The following SYNE1 variants were observed in gnomAD, a reference collection of about 807,000 sequenced individuals.
SYNE1 encodes the protein nesprin-1.
Under a neutral mutation model 1,111.0 loss-of-function variants are expected in SYNE1, and 616 were observed. The ratio of observed to expected loss-of-function variants is 0.55; its 90% confidence interval spans 0.52 to 0.59. The LOEUF (loss-of-function observed/expected upper bound fraction) is 0.59, where lower values mean the gene tolerates loss of function less well. Ranked by LOEUF, SYNE1 falls within the 20% of genes least tolerant of loss-of-function variation. SYNE1 has a pLI of 0.00. For missense variants in SYNE1, 10,006 were observed against 10,417.0 expected, an observed-to-expected ratio of 0.96 and a Z score of 1.72; for synonymous variants, 3,855 against 3,825.8, an observed-to-expected ratio of 1.01 and a Z score of -0.28.
chr6:152,416,258 T>A, intron 41 of SYNE1, 129 bp downstream of exon 41: 1 of 1,304,042 alleles, frequency 7.7e-7, no homozygotes, highest in Non-Finnish European at 1.1e-6. Flanking sequence ...TTCTTTCTTT[T>A]GGCAGAGTGA....
At chr6:152,197,279 A>G (rs9478301) in intron 127 of SYNE1, among the ~76,000 whole-genome samples, 3,153 of 152,292 alleles carry the variant, frequency 0.021, 54 homozygotes, top group African/African-American at 0.034. Flanking sequence ...TCTTATGTAG[A>G]TAGTTGTTAC....
At chr6:152,305,752 T>C (rs2095354733) in intron 91 of SYNE1, among the ~76,000 whole-genome samples, 1 of 152,222 alleles carries the variant, frequency 6.6e-6, no homozygotes, top group African/African-American at 2.4e-5. Flanking sequence ...CACTCAGCAC[T>C]TTCCTTCCTG....
intron 45 of SYNE1, among the ~76,000 whole-genome samples, chr6:152,406,213 A>G (rs1426375332): frequency 6.6e-6 from 1 of 152,082 alleles, no homozygotes; most frequent in African/African-American, 2.4e-5. Context: ...GAAGCCTGTG[A>G]CCCTCCAATC....
At chr6:152,471,876 T>C in intron 15 of SYNE1, 111 bp from the exon 16 acceptor site, 1 of 1,070,878 alleles carries the variant, frequency 9.3e-7, no homozygotes, top group Non-Finnish European at 1.4e-6. Flanking sequence ...CAAGCTCTTC[T>C]AACTCTGGCT....
At chr6:152,577,806 A>G (rs909467475) in intron 3 of SYNE1, among the ~76,000 whole-genome samples, 1 of 151,976 alleles carries the variant, frequency 6.6e-6, no homozygotes, top group Non-Finnish European at 1.5e-5. Flanking sequence ...TAGATTTGTA[A>G]GCAATATGCC....
chr6:152,579,626 G>A (rs1339447471), intron 3 of SYNE1, among the ~76,000 whole-genome samples: 1 of 152,158 alleles, frequency 6.6e-6, no homozygotes, highest in African/African-American at 2.4e-5. Flanking sequence ...CCCAGGTAAT[G>A]AGCGTAGTAC....
At chr6:152,464,089 C>A (rs2098750671) in intron 18 of SYNE1, among the ~76,000 whole-genome samples, 1 of 152,122 alleles carries the variant, frequency 6.6e-6, no homozygotes, top group Admixed American at 6.6e-5. Flanking sequence ...AATTAGCAAT[C>A]ATGGAGATAA....
chr6:152,132,659 A>T (rs958081686), intron 143 of SYNE1, among the ~76,000 whole-genome samples: 1 of 152,166 alleles, frequency 6.6e-6, no homozygotes, highest in Non-Finnish European at 1.5e-5. Flanking sequence ...TATTTCAGAC[A>T]CTGCTGCTAT....
chr6:152,416,433 C>G lies in SYNE1; in HGVS notation c.6004G>C (p.Asp2002His), dbSNP rs1253611384. ...GTAGGTTCTTTCAATCGCTCTTTGT[C>G]AGTCCTTTCTTCAATGTCCTCAATG... ...KSIEDIEERTDKERLKEPTRQ... is the reference protein window; with the variant it reads ...KSIEDIEERTHKERLKEPTRQ... The change falls in exon 41 of 146, where the codon GAC becomes CAC. Residue 2002 changes from aspartate (D) to histidine (H), a missense_variant. Asp to His is a moderately conservative substitution (Grantham distance 81, BLOSUM62 -1). Coordinates refer to ENST00000367255, the MANE Select transcript of SYNE1 (RefSeq NM_182961.4). The G allele has an allele frequency of 6.2e-7, 1 of 1,614,124 alleles. No individual in the cohort carries two copies. Among genetic ancestry groups the G allele is most frequent in the Non-Finnish European group, 8.5e-7 (1 of 1,180,036 alleles).
intron 3 of SYNE1, among the ~76,000 whole-genome samples, chr6:152,565,923 C>T (rs1394238535): frequency 1.3e-5 from 2 of 152,102 alleles, no homozygotes; most frequent in Non-Finnish European, 2.9e-5. Flanking sequence ...ACTCAAGAAA[C>T]ATTTACTGCA....
At chr6:152,629,522 C>CGGGGGGGGGGGGGGGG (rs766614719) in intron 2 of SYNE1, among the ~76,000 whole-genome samples, 1 of 6,138 alleles carries the variant, frequency 1.6e-4, no homozygotes, top group Non-Finnish European at 2.7e-4. Context: ...GTTTCATTGC[C>CGGGGGGGGGGGGGGGG]GGGGGGGGGG....
At position 152,395,526 on chromosome 6, in the gene SYNE1, G is replaced by T; in HGVS notation, c.7702C>A (p.Leu2568Met). 6.2e-7 allele frequency: 1 copy of T among 1,613,830 alleles called. No homozygotes were observed. The highest frequency in any genetic ancestry group is 8.5e-7 in the Non-Finnish European group (1 of 1,179,892). Residue 2568 changes from leucine to methionine, a missense_variant, in exon 51 of 146, where the codon CTG becomes ATG. By Grantham distance (15) the Leu-to-Met change is conservative. This residue lies in a region of SYNE1 where 4,955 missense variants were observed against 5,017.2 expected (regional missense o/e 0.99). Transcript: ENST00000367255. ...ATTTCTGGACCATACCTTGCAGCCA[G>T]CAGTTCTCCCAAAAACATTTCAACT... ...HKVEMFLGELLAARESLDKLS... is the reference protein window; with the variant it reads ...HKVEMFLGELMAARESLDKLS...
intron 3 of SYNE1, among the ~76,000 whole-genome samples, chr6:152,574,889 G>GT (rs1358037414): frequency 6.6e-6 from 1 of 151,868 alleles, no homozygotes; most frequent in Non-Finnish European, 1.5e-5. Context: ...TTTTTGGTTT[G>GT]TTTTTTGTTT....
chr6:152,481,407 T>C, intron 14 of SYNE1: 1 of 284,702 alleles, frequency 3.5e-6, no homozygotes, highest in Non-Finnish European at 7.1e-6. Flanking sequence ...TCATTTAAAA[T>C]TCTAAGTTGA....
intron 55 of SYNE1, 26 bp downstream of exon 55, chr6:152,385,648 G>A (rs2097515326): frequency 6.2e-7 from 1 of 1,612,150 alleles, no homozygotes; most frequent in South Asian, 1.1e-5. Context: ...AAGCAATGTA[G>A]ATATAGCATC....
At position 152,217,256 on chromosome 6, in the gene SYNE1, C is replaced by T. The variant is rs1487829576; in HGVS notation, c.22191+1001G>A. Among the ~76,000 whole-genome samples, 9 of 150,698 alleles carry T rather than the reference C, an allele frequency of 6.0e-5. No individual in the cohort carries two copies. In the East Asian group the frequency reaches 7.9e-4, roughly 13 times the overall value. On this transcript the variant is annotated intron_variant, in intron 121 of 145. Transcript: ENST00000367255. ...AAAAATACAAAAAAAATTAGCCAGG[C>T]GTGGTGGACAGTACCTGCAGTCCTA... is the stretch of plus-strand genomic sequence containing the variant.
chr6:152,189,445 T>C (rs746850863), intron 127 of SYNE1, 38 bp from the exon 128 acceptor site: 3 of 1,605,640 alleles, frequency 1.9e-6, no homozygotes, highest in African/African-American at 1.3e-5. Context: ...CACGGACATC[T>C]CCTGCCAATG....
chr6:152,352,587 A>G (rs537591932), intron 69 of SYNE1, among the ~76,000 whole-genome samples: 2 of 152,124 alleles, frequency 1.3e-5, no homozygotes, highest in East Asian at 3.9e-4. Flanking sequence ...ATTTTTTAGT[A>G]GAGACAGGGT....
chr6:152,399,600 G>C lies in SYNE1; in HGVS notation c.7237+16C>G. 6.2e-7 allele frequency: 1 copy of C among 1,613,710 alleles called. No homozygotes were observed. The highest frequency in any genetic ancestry group is 1.7e-5 in the Admixed American group (1 of 60,008). The stretch of plus-strand genomic sequence containing the variant: ...TCGGAAACAAACTACTCATGCTAAG[G>C]CCCCTCAGAACTCACCACTGAAGTG... On this transcript the variant is annotated intron_variant, in intron 48 of 145. Coordinates refer to ENST00000367255, the MANE Select transcript of SYNE1 (RefSeq NM_182961.4).
Sources: gnomAD v4.1 joint callset for allele counts (sites outside exome capture counted in the v4.1 genomes callset) on GRCh38, gnomAD v4.1.1 for gene constraint, gnomAD v4.1.1 regional missense constraint, MANE v1.5 for transcripts, NCBI Gene and HGNC (gene_info 2026-07-23, HGNC 2026-07-21) for gene names.